EYS: variants seen among roughly 807,000 people sequenced by gnomAD.
The protein encoded by EYS is EGF-like photoreceptor maintenance factor.
Under a neutral mutation model 282.1 loss-of-function variants are expected in EYS, and 250 were observed. That is an observed-to-expected ratio of 0.89 (90% confidence interval 0.80 to 0.98). The LOEUF (loss-of-function observed/expected upper bound fraction) is 0.98. EYS is among the 50% of genes least tolerant of loss of function. The pLI, the probability that EYS is intolerant of heterozygous loss-of-function variation, is 0.00. For synonymous variants in EYS, 1,355 were observed against 1,282.9 expected (o/e 1.06, Z -1.20); for missense variants, 4,016 against 3,709.0 (o/e 1.08, Z -2.15).
At chr6:64,327,542 C>G (rs1415009807) in intron 29 of EYS, among the ~76,000 whole-genome samples, 1 of 151,978 alleles carries the variant, frequency 6.6e-6, no homozygotes, top group Non-Finnish European at 1.5e-5. Flanking sequence ...CGGGTAGTCA[C>G]CGGGGTTGGA....
intron 2 of EYS, among the ~76,000 whole-genome samples, chr6:65,536,158 T>C (rs1767957053): frequency 6.6e-6 from 1 of 152,002 alleles, no homozygotes; most frequent in Non-Finnish European, 1.5e-5. Context: ...TTGAGAATCA[T>C]ACGACTATAG....
intron 26 of EYS, among the ~76,000 whole-genome samples, chr6:64,440,913 T>C (rs113775958): frequency 6.6e-6 from 1 of 152,162 alleles, no homozygotes; most frequent in African/African-American, 2.4e-5. Context: ...ATGACATGTC[T>C]GAACAGAATA....
rs985702097 is a variant in EYS at position 65,591,978 on chromosome 6, T to C, written c.-333+47800A>G. Among the ~76,000 whole-genome samples the C allele has an allele frequency of 3.3e-5, 5 of 152,004 alleles. No individual in the cohort carries two copies. The South Asian group carries it at 6.2e-4, about 19-fold the overall frequency. ...GCACAGTGCTATGATGAGAACATAA[T>C]AGATACACAAAAGCATGTGATGGAT... On this transcript the variant is annotated intron_variant, in intron 2 of 42. Coordinates refer to ENST00000503581, the MANE Select transcript of EYS (RefSeq NM_001142800.2).
At chr6:65,478,750 T>G (rs1267683529) in intron 5 of EYS, among the ~76,000 whole-genome samples, 1 of 152,146 alleles carries the variant, frequency 6.6e-6, no homozygotes, top group Non-Finnish European at 1.5e-5. Context: ...ACTGAAGAGT[T>G]GCTTGTTTCA....
intron 8 of EYS, among the ~76,000 whole-genome samples, chr6:65,373,958 T>A (rs1765257945): frequency 2.0e-5 from 3 of 152,184 alleles, no homozygotes; most frequent in Admixed American, 2.0e-4. Context: ...GTCTCAATTT[T>A]CCTTTGTGAT....
At chr6:63,861,948 G>A (rs1381086483) in intron 36 of EYS, among the ~76,000 whole-genome samples, 2 of 152,212 alleles carry the variant, frequency 1.3e-5, no homozygotes, top group Admixed American at 1.3e-4. Flanking sequence ...CAGCTGGAGT[G>A]AATGAAGACA....
At chr6:64,588,120 T>C (rs1766292005) in intron 26 of EYS, among the ~76,000 whole-genome samples, 2 of 152,066 alleles carry the variant, frequency 1.3e-5, no homozygotes, top group South Asian at 4.1e-4. Flanking sequence ...ATCATATTCA[T>C]GCTAAGAAAG....
At chr6:64,704,761 G>A (rs1770941481) in intron 22 of EYS, among the ~76,000 whole-genome samples, 1 of 151,922 alleles carries the variant, frequency 6.6e-6, no homozygotes, top group South Asian at 2.1e-4. Context: ...ACGAGTTACA[G>A]CTGTTCCACA....
At chr6:64,197,728 A>G (rs900328669) in intron 31 of EYS, among the ~76,000 whole-genome samples, 1 of 150,862 alleles carries the variant, frequency 6.6e-6, no homozygotes, top group Non-Finnish European at 1.5e-5. Context: ...TTTTTAATCT[A>G]TTTAGTGGTT....
At chr6:64,653,043 G>A (rs966651329) in intron 22 of EYS, among the ~76,000 whole-genome samples, 14 of 152,104 alleles carry the variant, frequency 9.2e-5, no homozygotes, top group Admixed American at 7.9e-4. Context: ...GATCTTTGCC[G>A]ATGAAAGTAA....
intron 31 of EYS, among the ~76,000 whole-genome samples, chr6:64,094,171 G>T (rs943565552): frequency 1.3e-5 from 2 of 151,910 alleles, no homozygotes; most frequent in African/African-American, 4.8e-5. Context: ...ATTTTATTGA[G>T]GATTTTCGCA....
At position 63,720,880 on chromosome 6, in the gene EYS, G is replaced by T; in HGVS notation, c.9151C>A (p.Gln3051Lys). The T allele has an allele frequency of 6.4e-7, 1 of 1,550,938 alleles. No individual in the cohort carries two copies. Among genetic ancestry groups the T allele is most frequent in the South Asian group, 1.2e-5 (1 of 84,042 alleles). Residue 3051 changes from glutamine (Q) to lysine (K), a missense_variant, in exon 43 of 43, where the codon CAA becomes AAA. Transcript: ENST00000503581. ...CNKWHHVVVI[Q>K]NQTLIKAYIN... ...TAGGCCTTGATAAGAGTCTGATTTT[G>T]AATTACAACTACATGGTGCCATTTA...
At chr6:64,660,145 A>T (rs1394829208) in intron 22 of EYS, among the ~76,000 whole-genome samples, 2 of 152,236 alleles carry the variant, frequency 1.3e-5, no homozygotes, top group Non-Finnish European at 2.9e-5. Flanking sequence ...CCACATGATT[A>T]TCTCAATAGA....
At chr6:64,098,308 G>T (rs1212095071) in intron 31 of EYS, among the ~76,000 whole-genome samples, 1 of 152,062 alleles carries the variant, frequency 6.6e-6, no homozygotes, top group Non-Finnish European at 1.5e-5. Flanking sequence ...GGTATAGAAA[G>T]GAATACTATA....
Position 65,003,315 on chromosome 6 carries a change from A to G in EYS, c.2138-5612T>C, listed in dbSNP as rs1334487831. Among the ~76,000 whole-genome samples the G allele has an allele frequency of 4.5e-4, 66 of 147,388 alleles. 8 individuals carry two copies. Among genetic ancestry groups the G allele is most frequent in the Non-Finnish European group, 1.7e-4 (11 of 65,846 alleles). On this transcript the variant is annotated intron_variant, in intron 13 of 42. Transcript: ENST00000503581. The stretch of plus-strand genomic sequence containing the variant: ...GGCGTGAAATAGACCCCAGTCTCCC[A>G]CAGCACTCCCAGGCTTATTAGAAAG...
At chr6:64,108,152 G>A (rs1317622374) in intron 31 of EYS, among the ~76,000 whole-genome samples, 1 of 152,090 alleles carries the variant, frequency 6.6e-6, no homozygotes, top group Non-Finnish European at 1.5e-5. Context: ...ACCTGATAGG[G>A]TTACTGAGGG....
chr6:64,049,607 G>A (rs1770740577), intron 33 of EYS, among the ~76,000 whole-genome samples: 1 of 152,118 alleles, frequency 6.6e-6, no homozygotes, highest in Admixed American at 6.5e-5. Flanking sequence ...GGCAGATAGA[G>A]GTGGGTGTGT....
At chr6:64,849,730 T>A (rs1765823426) in intron 19 of EYS, among the ~76,000 whole-genome samples, 1 of 151,968 alleles carries the variant, frequency 6.6e-6, no homozygotes, top group African/African-American at 2.4e-5. Context: ...CACATTTCCT[T>A]GTTGAGTGTT....
At chr6:65,311,710 C>A (rs1413162200) in intron 11 of EYS, among the ~76,000 whole-genome samples, 4 of 152,182 alleles carry the variant, frequency 2.6e-5, no homozygotes, top group African/African-American at 9.6e-5. Flanking sequence ...TTGGAAGCAA[C>A]CATGTGACCT....
Sources: gnomAD v4.1 joint callset for allele counts (sites outside exome capture counted in the v4.1 genomes callset) on GRCh38, gnomAD v4.1.1 for gene constraint, MANE v1.5 for transcripts, NCBI Gene and HGNC (gene_info 2026-07-23, HGNC 2026-07-21) for gene names.